The following PHF20L1 variants were observed in gnomAD, a reference collection of about 807,000 sequenced individuals.
The protein encoded by PHF20L1 is PHD finger protein 20 like 1.
PHF20L1 carries 44 observed loss-of-function variants against 125.5 expected under a neutral mutation model. The observed-to-expected ratio is 0.35, with a 90% CI of 0.28 to 0.45. The LOEUF (loss-of-function observed/expected upper bound fraction) is 0.45. PHF20L1 is among the 20% of genes least tolerant of loss of function. The pLI is 1.00. For missense variants in PHF20L1, 1,012 were observed against 1,217.2 expected (o/e 0.83, Z 2.51); for synonymous variants, 380 against 403.1 (o/e 0.94, Z 0.69).
intron 2 of PHF20L1, among the ~76,000 whole-genome samples, chr8:132,791,396 G>A (rs1191725114): frequency 6.6e-6 from 1 of 151,806 alleles, no homozygotes; most frequent in Non-Finnish European, 1.5e-5. Context: ...CGGGATTACA[G>A]GCATGTGCCA....
intron 1 of PHF20L1, 22 bp from the exon 2 acceptor site, chr8:132,777,770 T>C (rs1238796016): frequency 4.5e-6 from 5 of 1,109,514 alleles, no homozygotes; most frequent in Non-Finnish European, 6.9e-6. Context: ...CATTGGAATC[T>C]AACTTTTTTC....
intron 8 of PHF20L1, chr8:132,806,427 C>T (rs910630859): frequency 1.3e-5 from 2 of 151,984 alleles, no homozygotes; most frequent in African/African-American, 4.8e-5. Flanking sequence ...GTGGGATTTT[C>T]TCTTCACTTT....
chr8:132,825,911 C>T (rs759208892), intron 14 of PHF20L1, among the ~76,000 whole-genome samples: 2 of 151,990 alleles, frequency 1.3e-5, no homozygotes, highest in Non-Finnish European at 2.9e-5. Flanking sequence ...TTGTCAAGCC[C>T]TGATTTTGGA....
At chr8:132,811,248 TTGA>T in intron 9 of PHF20L1, 120 bp downstream of exon 9, 2 of 1,485,426 alleles carry the variant, frequency 1.3e-6, no homozygotes, top group Non-Finnish European at 1.8e-6. Context: ...AGCTAATTAA[TTGA>T]TGATATATTT....
In PHF20L1 at chr8:132,845,831, C is replaced by T. The variant is rs372444914; in HGVS notation, c.2962C>T (p.Leu988Phe). 8.1e-5 allele frequency: 130 copies of T among 1,610,392 alleles called. 1 individual carries two copies. Among genetic ancestry groups the T allele is most frequent in the Middle Eastern group, 6.6e-4 (4 of 6,054 alleles). Residue 988 changes from leucine to phenylalanine, a missense_variant, in exon 21 of 21, where the codon CTT (leucine) becomes TTT (phenylalanine). Leu to Phe is a conservative substitution (Grantham distance 22, BLOSUM62 0). Coordinates refer to ENST00000395386, the MANE Select transcript of PHF20L1 (RefSeq NM_016018.5). ...FTGELEPPDP[L>F]ARLPQLKRHI... ...AGGGGAGTTGGAGCCACCAGATCCT[C>T]TTGCAAGATTGCCCCAACTTAAACG...
rs1350109222 is a variant in PHF20L1 at position 132,804,048 on chromosome 8, T to G, written c.721+16T>G. The G allele has an allele frequency of 2.6e-6, 4 of 1,512,468 alleles. No homozygotes were observed. The highest frequency in any genetic ancestry group is 3.7e-6 in the Non-Finnish European group (4 of 1,089,100). The allele number at this position is 1,512,468 out of a possible 1,614,324, so 93.7% of individuals were successfully genotyped here. On this transcript the variant is annotated intron_variant, in intron 7 of 20. Coordinates refer to ENST00000395386, the MANE Select transcript of PHF20L1 (RefSeq NM_016018.5). ...GAAACATTTGGTACAAAATACATTC[T>G]TACGTTAATTCCTTATGACACTGGT...
chr8:132,818,117 G>C (rs1343796342), intron 12 of PHF20L1: 1 of 151,848 alleles, frequency 6.6e-6, no homozygotes, highest in East Asian at 1.9e-4. Context: ...GAAAGCATTT[G>C]GATGTGTATT....
At chr8:132,799,195 T>C (rs1832755049) in intron 6 of PHF20L1, 23 bp downstream of exon 6, 1 of 1,495,914 alleles carries the variant, frequency 6.7e-7, no homozygotes, top group Non-Finnish European at 9.2e-7. Flanking sequence ...TTTTTAAAAA[T>C]TTTGTTTTGT....
chr8:132,794,602 G>C (rs778087977), intron 3 of PHF20L1, 21 bp downstream of exon 3: 1 of 1,582,038 alleles, frequency 6.3e-7, no homozygotes. Context: ...AGTTTTTTCT[G>C]TTTGCTAGTT....
In PHF20L1 at chr8:132,817,327, TA is replaced by T; in HGVS notation, c.1373-11del. 6.2e-7 allele frequency: 1 copy of T among 1,604,268 alleles called. No homozygotes were observed. On this transcript the variant is annotated splice_polypyrimidine_tract_variant and intron_variant, in intron 11 of 20. Transcript: ENST00000395386. ...TGTGTTAATATTACATTACACTCTT[TA>T]TTTTGTGTAGTGCCTGATGTTGCAC...
At chr8:132,790,513 C>G (rs1046902564) in intron 2 of PHF20L1, among the ~76,000 whole-genome samples, 2 of 152,184 alleles carry the variant, frequency 1.3e-5, no homozygotes, top group African/African-American at 4.8e-5. Context: ...CAAAGCCCTT[C>G]AAGTTTCAAC....
chr8:132,788,694 A>C (rs1010512621), intron 2 of PHF20L1: 2 of 152,064 alleles, frequency 1.3e-5, no homozygotes, highest in Non-Finnish European at 2.9e-5. Flanking sequence ...ATGATGTTTA[A>C]TTGTATTAAT....
intron 2 of PHF20L1, among the ~76,000 whole-genome samples, chr8:132,778,957 T>A (rs1338168647): frequency 2.0e-5 from 3 of 152,216 alleles, no homozygotes; most frequent in African/African-American, 7.2e-5. Flanking sequence ...TACTTTTGAT[T>A]GATTTGTATT....
intron 6 of PHF20L1, among the ~76,000 whole-genome samples, chr8:132,802,037 G>A (rs1053807038): frequency 6.6e-6 from 1 of 151,388 alleles, no homozygotes; most frequent in Non-Finnish European, 1.5e-5. Flanking sequence ...ACTCTTAATA[G>A]GTCTGCAAAT....
intron 1 of PHF20L1, among the ~76,000 whole-genome samples, chr8:132,777,274 G>C (rs956996638): frequency 2.0e-5 from 3 of 152,160 alleles, no homozygotes; most frequent in African/African-American, 7.2e-5. Context: ...ACTGGCAGAG[G>C]AGTGTGCCTA....
chr8:132,800,291 A>G (rs527432991), intron 6 of PHF20L1, among the ~76,000 whole-genome samples: 2 of 151,880 alleles, frequency 1.3e-5, no homozygotes, highest in African/African-American at 2.4e-5. Flanking sequence ...CAGTGCCAAG[A>G]TATAAAACAA....
At chr8:132,797,648 C>A (rs1157804275) in intron 4 of PHF20L1, among the ~76,000 whole-genome samples, 1 of 151,906 alleles carries the variant, frequency 6.6e-6, no homozygotes, top group Admixed American at 6.6e-5. Context: ...CCTTGCTATT[C>A]GCCTGATCAG....
chr8:132,804,890 G>A (rs1030614909), intron 8 of PHF20L1, 150 bp downstream of exon 8: 102 of 664,596 alleles, frequency 1.5e-4, no homozygotes, highest in East Asian at 2.8e-5. Flanking sequence ...CAAGGTCAAT[G>A]TCTTTCAACA....
chr8:132,842,804 GAAC>G lies in PHF20L1; in HGVS notation c.2680_2682del (p.Gln894del). 1 of 1,612,934 alleles carries G rather than the reference GAAC, an allele frequency of 6.2e-7. No individual in the cohort carries two copies. Among genetic ancestry groups the G allele is most frequent in the Non-Finnish European group, 8.5e-7 (1 of 1,179,284 alleles). ...TGATGATGTTAGTAGTTTGGAAGAA[GAAC>G]AAGAATTCCACATGAGAAGTAAAAA... On this transcript the variant is annotated inframe_deletion, in exon 19 of 21. Coordinates refer to ENST00000395386, the MANE Select transcript of PHF20L1 (RefSeq NM_016018.5).
Sources: allele counts gnomAD v4.1 joint callset (sites outside exome capture counted in the v4.1 genomes callset), GRCh38; gene constraint gnomAD v4.1.1; transcripts MANE v1.5; gene names NCBI Gene and HGNC (gene_info 2026-07-23, HGNC 2026-07-21).